PCOLCE2: variants seen among roughly 807,000 people sequenced by gnomAD.
The protein encoded by PCOLCE2 is procollagen C-endopeptidase enhancer 2.
PCOLCE2 carries 42 observed loss-of-function variants against 47.0 expected under a neutral mutation model. The ratio of observed to expected loss-of-function variants is 0.89; its 90% CI spans 0.70 to 1.16. PCOLCE2 has a LOEUF of 1.16. PCOLCE2 is among the 50% of genes most tolerant of loss of function. PCOLCE2 has a pLI of 0.00. For missense variants in PCOLCE2, 500 were observed against 526.1 expected, an observed-to-expected ratio of 0.95 and a Z score of 0.49; for synonymous variants, 169 against 191.7, an observed-to-expected ratio of 0.88 and a Z score of 0.98.
intron 2 of PCOLCE2, among the ~76,000 whole-genome samples, chr3:142,883,382 A>G (rs549140771): frequency 6.6e-6 from 1 of 152,140 alleles, no homozygotes; most frequent in Non-Finnish European, 1.5e-5. Context: ...AACTCTAAAT[A>G]GAGTTGCTTT....
chr3:142,859,242 T>C (rs552583795), intron 2 of PCOLCE2, among the ~76,000 whole-genome samples: 1 of 152,068 alleles, frequency 6.6e-6, no homozygotes, highest in East Asian at 1.9e-4. Context: ...TTTGTATTTT[T>C]AGTGGAGACG....
At chr3:142,821,080 T>C in intron 7 of PCOLCE2, 35 bp from the exon 8 acceptor site, 3 of 1,497,794 alleles carry the variant, frequency 2.0e-6, no homozygotes, top group Non-Finnish European at 2.8e-6. Context: ...GATGTGACAG[T>C]GAAGGCAAAT....
Position 142,818,174 on chromosome 3 carries a change from C to A in PCOLCE2, c.*161G>T. The A allele has an allele frequency of 1.7e-6, 1 of 597,482 alleles. No individual in the cohort carries two copies. The highest frequency in any genetic ancestry group is 2.5e-5 in the South Asian group (1 of 39,418). 37.0% of individuals were successfully genotyped at this position (597,482 alleles called of 1,614,324 possible). Reference sequence around the variant, plus strand: ...GGCAAAGAACTTCCCTCAGCTATCTCGGAGGCCTCATACCTCCATCATGTG... The same window carrying A: ...GGCAAAGAACTTCCCTCAGCTATCTAGGAGGCCTCATACCTCCATCATGTG... On this transcript the variant is annotated 3_prime_UTR_variant, in exon 9 of 9. Coordinates refer to ENST00000295992, the MANE Select transcript of PCOLCE2 (RefSeq NM_013363.4).
intron 2 of PCOLCE2, among the ~76,000 whole-genome samples, chr3:142,854,916 A>C (rs1381932548): frequency 3.9e-5 from 6 of 152,246 alleles, no homozygotes; most frequent in Non-Finnish European, 7.3e-5. Context: ...AGGCACAGAG[A>C]GGTTAAGACA....
At chr3:142,830,185 G>A (rs987133156) in intron 5 of PCOLCE2, among the ~76,000 whole-genome samples, 6 of 152,306 alleles carry the variant, frequency 3.9e-5, no homozygotes, top group African/African-American at 1.4e-4. Flanking sequence ...CTTGAACCCA[G>A]GACCAGATAA....
Position 142,823,643 on chromosome 3 carries a change from C to A in PCOLCE2, c.866-28G>T, listed in dbSNP as rs200658466. On this transcript the variant is annotated intron_variant, in intron 6 of 8. Transcript: ENST00000295992. Reference sequence around the variant, plus strand: ...TAATTCAAAGAAGACATAAGTTTCACGAAAAATGAATTCAAGCATAATTGG... The same window carrying A: ...TAATTCAAAGAAGACATAAGTTTCAAGAAAAATGAATTCAAGCATAATTGG... 4 of 1,332,932 alleles carry A rather than the reference C, an allele frequency of 3.0e-6. No homozygotes were observed. In the African/African-American group the frequency reaches 5.8e-5, roughly 19 times the overall value. The allele number at this position is 1,332,932 out of a possible 1,614,324, so 82.6% of individuals were successfully genotyped here.
rs1250396750 is a variant in PCOLCE2, at chr3:142,820,884, TGAG to T, written c.1108_1110del (p.Leu370del). 1 of 1,612,184 alleles carries T rather than the reference TGAG, an allele frequency of 6.2e-7. No individual in the cohort carries two copies. The highest frequency in any genetic ancestry group is 8.5e-7 in the Non-Finnish European group (1 of 1,178,448). On this transcript the variant is annotated inframe_deletion, in exon 8 of 9. Coordinates refer to ENST00000295992, the MANE Select transcript of PCOLCE2 (RefSeq NM_013363.4). Reference sequence around the variant, plus strand: ...CAGTTTTCTCCCTACTCACCTCTTCTGAGGAGAGGGCACTGCTTGCAGACGACA... The same window carrying T: ...CAGTTTTCTCCCTACTCACCTCTTCTGAGAGGGCACTGCTTGCAGACGACA...
At chr3:142,822,168 C>T (rs749916272) in intron 7 of PCOLCE2, among the ~76,000 whole-genome samples, 3 of 152,038 alleles carry the variant, frequency 2.0e-5, no homozygotes, top group Non-Finnish European at 4.4e-5. Flanking sequence ...CCACCTGCCT[C>T]GGCCTCCAAA....
chr3:142,826,214 A>G (rs1372461579), intron 6 of PCOLCE2, among the ~76,000 whole-genome samples: 1 of 151,876 alleles, frequency 6.6e-6, no homozygotes. Flanking sequence ...TCACCGTGTT[A>G]GCCAAGATGG....
chr3:142,874,887 G>A (rs1335311776), intron 2 of PCOLCE2, among the ~76,000 whole-genome samples: 2 of 152,194 alleles, frequency 1.3e-5, no homozygotes, highest in Admixed American at 6.5e-5. Flanking sequence ...GTGGACATCA[G>A]GTGTGTACTA....
In PCOLCE2 at chr3:142,818,221, T is replaced by G; in HGVS notation, c.*114A>C. The G allele has an allele frequency of 9.8e-7, 1 of 1,023,716 alleles. No homozygotes were observed. Among genetic ancestry groups the G allele is most frequent in the Non-Finnish European group, 1.5e-6 (1 of 689,168 alleles). 63.4% of individuals were successfully genotyped at this position (1,023,716 alleles called of 1,614,324 possible). On this transcript the variant is annotated 3_prime_UTR_variant, in exon 9 of 9. Coordinates refer to ENST00000295992, the MANE Select transcript of PCOLCE2 (RefSeq NM_013363.4). ...TGTGAAGAGTCAACCAGTCCCATCT[T>G]TCGGAATCCTCTTTCAGAATATGTA...
rs182872365 is a variant in PCOLCE2 at position 142,829,709 on chromosome 3, G to A, written c.848C>T (p.Thr283Ile). 4 of 1,592,918 alleles carry A rather than the reference G, an allele frequency of 2.5e-6. No homozygotes were observed. The East Asian group carries it at 9.0e-5, about 36-fold the overall frequency. ...PTTTEQPVTT[T>I]FPVTTGLKPT... ...AAACTTACCCGTGGTTACAGGGAAT[G>A]TGGTGGTGACAGGCTGTTCTGTAGT... The change falls in exon 6 of 9, where the codon ACA (threonine) becomes ATA (isoleucine). Residue 283 changes from threonine (T) to isoleucine (I), a missense_variant. Coordinates refer to ENST00000295992, the MANE Select transcript of PCOLCE2 (RefSeq NM_013363.4).
At chr3:142,832,008 T>C (rs1937157145) in intron 5 of PCOLCE2, among the ~76,000 whole-genome samples, 1 of 152,222 alleles carries the variant, frequency 6.6e-6, no homozygotes, top group African/African-American at 2.4e-5. Context: ...GAAATTTCAC[T>C]TAGATCCACT....
At chr3:142,880,060 A>C (rs1933581957) in intron 2 of PCOLCE2, among the ~76,000 whole-genome samples, 1 of 150,944 alleles carries the variant, frequency 6.6e-6, no homozygotes, top group Admixed American at 6.6e-5. Flanking sequence ...CCCAAAAAAA[A>C]CCAAGCTATG....
intron 2 of PCOLCE2, among the ~76,000 whole-genome samples, chr3:142,869,857 G>A (rs1025252865): frequency 7.9e-5 from 12 of 152,150 alleles, no homozygotes; most frequent in African/African-American, 2.9e-4. Context: ...CCAAGCTGTG[G>A]CCCAACCAAC....
At chr3:142,839,182 A>G (rs1360758283) in intron 4 of PCOLCE2, among the ~76,000 whole-genome samples, 1 of 152,244 alleles carries the variant, frequency 6.6e-6, no homozygotes, top group African/African-American at 2.4e-5. Context: ...ACTTACAGCT[A>G]CAAAAGTATG....
At chr3:142,841,123 T>C (rs768381154) in intron 4 of PCOLCE2, among the ~76,000 whole-genome samples, 2 of 147,442 alleles carry the variant, frequency 1.4e-5, no homozygotes, top group East Asian at 1.9e-4. Flanking sequence ...GCAGAGAAGA[T>C]TAAAAAAAGT....
intron 2 of PCOLCE2, among the ~76,000 whole-genome samples, chr3:142,866,974 T>C (rs1407728389): frequency 2.0e-5 from 3 of 152,256 alleles, no homozygotes; most frequent in Non-Finnish European, 4.4e-5. Flanking sequence ...GCCAGACAGG[T>C]AGAAGCCATG....
intron 6 of PCOLCE2, among the ~76,000 whole-genome samples, chr3:142,826,706 G>A (rs1937083307): frequency 6.6e-6 from 1 of 152,158 alleles, no homozygotes; most frequent in Non-Finnish European, 1.5e-5. Context: ...GCGGCACAAA[G>A]CCACTTACAT....
Sources: gnomAD v4.1 joint callset for allele counts (sites outside exome capture counted in the v4.1 genomes callset) on GRCh38, gnomAD v4.1.1 for gene constraint, MANE v1.5 for transcripts, NCBI Gene and HGNC (gene_info 2026-07-23, HGNC 2026-07-21) for gene names.